The following ERC2 variants were observed in gnomAD, a reference collection of about 807,000 sequenced individuals.
The protein encoded by ERC2 is ELKS/RAB6-interacting/CAST family member 2.
ERC2 carries 42 observed loss-of-function variants against 114.8 expected under a neutral mutation model. The observed-to-expected ratio is 0.37, with a 90% CI of 0.29 to 0.47. The LOEUF is 0.47. Among genes scored for constraint, ERC2 ranks in the 20% least tolerant of loss-of-function variants. ERC2 has a pLI of 0.99. For synonymous variants in ERC2, 454 were observed against 425.5 expected, an observed-to-expected ratio of 1.07 and a Z score of -0.82; for missense variants, 939 against 1,150.7, an observed-to-expected ratio of 0.82 and a Z score of 2.66.
chr3:56,115,779 T>C (rs1376200678), intron 6 of ERC2, among the ~76,000 whole-genome samples: 1 of 152,118 alleles, frequency 6.6e-6, no homozygotes, highest in South Asian at 2.1e-4. Context: ...AGCCAATTCC[T>C]AGAGATTACA....
intron 17 of ERC2, among the ~76,000 whole-genome samples, chr3:55,517,498 T>A (rs928684617): frequency 1.3e-4 from 19 of 151,746 alleles, no homozygotes; most frequent in African/African-American, 4.6e-4. Flanking sequence ...GTTTCCTTTT[T>A]AAAGAAATAT....
At chr3:56,125,642 T>G (rs1029946618) in intron 6 of ERC2, among the ~76,000 whole-genome samples, 1 of 152,236 alleles carries the variant, frequency 6.6e-6, no homozygotes. Flanking sequence ...TCCCTGGGCT[T>G]GCTTCTAGGT....
intron 13 of ERC2, among the ~76,000 whole-genome samples, chr3:55,928,901 T>C (rs572956454): frequency 1.5e-4 from 23 of 152,214 alleles, no homozygotes; most frequent in Non-Finnish European, 3.1e-4. Context: ...GCAACTTTGT[T>C]GAAAACGAGT....
chr3:56,452,900 C>T lies in ERC2; in HGVS notation c.-141+15348G>A, dbSNP rs190330982. 2.2e-3 allele frequency among the ~76,000 whole-genome samples: 342 copies of T among 152,268 alleles called. 2 individuals carry two copies. Among genetic ancestry groups the T allele is most frequent in the African/African-American group, 8.0e-3 (332 of 41,548 alleles). On this transcript the variant is annotated intron_variant, in intron 1 of 17. Transcript: ENST00000288221. ...GGCTTAGTAAATACTCAGTACAATC[C>T]TCATCATCATCAATATTGACCACAG... is the stretch of plus-strand genomic sequence containing the variant.
intron 10 of ERC2, among the ~76,000 whole-genome samples, chr3:55,997,914 G>GTTTT (rs1559996971): frequency 4.5e-5 from 1 of 22,402 alleles, no homozygotes; most frequent in Non-Finnish European, 8.4e-5. Flanking sequence ...TTTTGTGTGT[G>GTTTT]TGTGTGTGTT....
chr3:56,041,430 C>A (rs2075186001), intron 7 of ERC2, among the ~76,000 whole-genome samples: 1 of 152,128 alleles, frequency 6.6e-6, no homozygotes, highest in Non-Finnish European at 1.5e-5. Context: ...GCGCTCACCA[C>A]TTCTGGCAGA....
chr3:56,465,987 C>T (rs148093239), intron 1 of ERC2, among the ~76,000 whole-genome samples: 20 of 152,354 alleles, frequency 1.3e-4, no homozygotes, highest in African/African-American at 1.9e-4. Flanking sequence ...CTGGGTAAGA[C>T]GAACCCGGGC....
intron 17 of ERC2, among the ~76,000 whole-genome samples, chr3:55,601,271 T>C (rs1384021009): frequency 6.6e-6 from 1 of 152,156 alleles, no homozygotes; most frequent in Admixed American, 6.5e-5. Context: ...CAAAATGCCA[T>C]CTAGGCAGAA....
chr3:55,905,031 G>A (rs1245189456), intron 13 of ERC2, among the ~76,000 whole-genome samples: 2 of 152,074 alleles, frequency 1.3e-5, no homozygotes, highest in Non-Finnish European at 1.5e-5. Flanking sequence ...TTCCAAATAT[G>A]AACAAAAAAG....
chr3:55,680,567 A>G (rs530529303), intron 17 of ERC2, among the ~76,000 whole-genome samples: 6 of 152,260 alleles, frequency 3.9e-5, no homozygotes, highest in Non-Finnish European at 8.8e-5. Context: ...TGCATTTTGC[A>G]AGGCAAGATA....
In ERC2 at chr3:55,759,895, G is replaced by A. The variant is rs1332792994; in HGVS notation, c.2565-24977C>T. Among the ~76,000 whole-genome samples, 5 of 152,202 alleles carry A rather than the reference G, an allele frequency of 3.3e-5. No individual in the cohort carries two copies. In the East Asian group the frequency reaches 5.8e-4, roughly 18 times the overall value. ...TTAACGAGCTCTTCTTTGTACTTGT[G>A]AAGTTTTAGCATTTTGGTTGAAGTT... On this transcript the variant is annotated intron_variant, in intron 14 of 17. Transcript: ENST00000288221.
chr3:55,995,134 A>G (rs1179733784), intron 10 of ERC2, among the ~76,000 whole-genome samples: 2 of 152,200 alleles, frequency 1.3e-5, no homozygotes, highest in Admixed American at 1.3e-4. Flanking sequence ...AGAGATCGAG[A>G]CCATCCTGGC....
intron 17 of ERC2, among the ~76,000 whole-genome samples, chr3:55,637,597 C>T (rs1418618572): frequency 6.6e-6 from 1 of 152,176 alleles, no homozygotes; most frequent in Non-Finnish European, 1.5e-5. Flanking sequence ...CCCCTGGGTG[C>T]AAATGGCAGC....
At position 55,524,862 on chromosome 3, in the gene ERC2, G is replaced by A. The variant is rs542671358; in HGVS notation, c.*40-13586C>T. Among the ~76,000 whole-genome samples, 14 of 152,296 alleles carry A rather than the reference G, an allele frequency of 9.2e-5. No individual in the cohort carries two copies. In the South Asian group the frequency reaches 2.7e-3, roughly 29 times the overall value. ...GTTCAATCATGCACAAAAGCTACATGTGCCAAAGCAGAAGAAATTAGCTGA... is the reference window on the plus strand; with the variant it reads ...GTTCAATCATGCACAAAAGCTACATATGCCAAAGCAGAAGAAATTAGCTGA... On this transcript the variant is annotated intron_variant, in intron 17 of 17. Transcript: ENST00000288221.
chr3:55,652,618 A>G (rs1024804993), intron 17 of ERC2, among the ~76,000 whole-genome samples: 13 of 152,164 alleles, frequency 8.5e-5, no homozygotes, highest in Admixed American at 2.0e-4. Flanking sequence ...TCATGCCTGT[A>G]ATCCCAGCAC....
At chr3:55,935,906 C>T (rs1023873864) in intron 13 of ERC2, among the ~76,000 whole-genome samples, 2 of 152,222 alleles carry the variant, frequency 1.3e-5, no homozygotes, top group African/African-American at 4.8e-5. Context: ...CAAATGCCAA[C>T]AAGAATGCCT....
chr3:56,245,163 G>A (rs1360800854), intron 3 of ERC2, among the ~76,000 whole-genome samples: 1 of 150,950 alleles, frequency 6.6e-6, no homozygotes, highest in Non-Finnish European at 1.5e-5. Context: ...CATTGATATA[G>A]TACTGTATTA....
chr3:55,807,352 A>G (rs2059531890), intron 14 of ERC2, among the ~76,000 whole-genome samples: 1 of 152,150 alleles, frequency 6.6e-6, no homozygotes, highest in Non-Finnish European at 1.5e-5. Context: ...CTGGGATTTT[A>G]AGTCATTGAT....
intron 12 of ERC2, among the ~76,000 whole-genome samples, chr3:55,953,140 G>C (rs2067698001): frequency 6.6e-6 from 1 of 151,708 alleles, no homozygotes; most frequent in African/African-American, 2.4e-5. Flanking sequence ...GGGAGGCACA[G>C]GTTGCAGTGA....
Sources: allele counts gnomAD v4.1 joint callset (sites outside exome capture counted in the v4.1 genomes callset), GRCh38; gene constraint gnomAD v4.1.1; transcripts MANE v1.5; gene names NCBI Gene and HGNC (gene_info 2026-07-23, HGNC 2026-07-21).